The following UNC13C variants were observed in gnomAD, a reference collection of about 807,000 sequenced individuals.
UNC13C encodes the protein unc-13 homolog C.
In UNC13C, 174 loss-of-function variants were observed where a neutral mutation model predicts 245.4. The ratio of observed to expected loss-of-function variants is 0.71; its 90% confidence interval spans 0.63 to 0.80. The LOEUF (loss-of-function observed/expected upper bound fraction) is 0.80, where lower values mean the gene tolerates loss of function less well. Ranked by LOEUF, UNC13C falls within the 30% of genes least tolerant of loss-of-function variation. UNC13C has a pLI of 0.00. For missense variants in UNC13C, 2,829 were observed against 2,602.9 expected (o/e 1.09, Z -1.89); for synonymous variants, 992 against 895.1 (o/e 1.11, Z -1.93).
intron 4 of UNC13C, among the ~76,000 whole-genome samples, chr15:54,211,232 AGATACT>A (rs2034869278): frequency 6.6e-6 from 1 of 152,114 alleles, no homozygotes; most frequent in Non-Finnish European, 1.5e-5. Flanking sequence ...GTTCTAAGAA[AGATACT>A]GATTTTAAAG....
rs1031845084 is a variant in UNC13C at position 54,234,955 on chromosome 15, C to G, written c.3072-75C>G. 40 of 1,305,346 alleles carry G rather than the reference C, an allele frequency of 3.1e-5. No homozygotes were observed. In the East Asian group the frequency reaches 9.3e-4, roughly 30 times the overall value. 80.9% of individuals were successfully genotyped at this position (1,305,346 alleles called of 1,614,324 possible). A position where few individuals can be genotyped will look rare whatever the true frequency, so the allele number is the denominator to read the frequency against. On this transcript the variant is annotated intron_variant, in intron 4 of 32. Transcript: ENST00000260323. ...GGTCATCTTTTTCACAGACTTTATA[C>G]CATGAACAGTGGATGTTTTTCTTAC...
chr15:54,278,771 G>C (rs1453010224), intron 10 of UNC13C, among the ~76,000 whole-genome samples: 1 of 152,000 alleles, frequency 6.6e-6, no homozygotes, highest in Non-Finnish European at 1.5e-5. Flanking sequence ...TGAAATTCTT[G>C]ACATTTGACC....
At chr15:54,467,324 C>A (rs4774693) in intron 19 of UNC13C, among the ~76,000 whole-genome samples, 47,785 of 151,470 alleles carry the variant, frequency 0.32, 8,359 homozygotes, top group Middle Eastern at 0.4. Flanking sequence ...TATTTGCCAA[C>A]AATTTCTAAA....
chr15:54,397,444 T>C (rs1237831401), intron 18 of UNC13C, among the ~76,000 whole-genome samples: 1 of 151,510 alleles, frequency 6.6e-6, no homozygotes. Context: ...CTAACATATT[T>C]TGAAATATTA....
At position 54,312,585 on chromosome 15, in the gene UNC13C, A is replaced by G. The variant is rs141277325; in HGVS notation, c.4269-9354A>G. Among the ~76,000 whole-genome samples the G allele has an allele frequency of 6.0e-3, 914 of 151,926 alleles. 10 individuals carry two copies. Among genetic ancestry groups the G allele is most frequent in the African/African-American group, 0.021 (859 of 41,520 alleles). On this transcript the variant is annotated intron_variant, in intron 13 of 32. Coordinates refer to ENST00000260323, the MANE Select transcript of UNC13C (RefSeq NM_001080534.3). ...AGGGTTCTTCCAGCCCTTTCTTCTA[A>G]GTAGCTTCACATCCCATTGCTCATT...
intron 29 of UNC13C, among the ~76,000 whole-genome samples, chr15:54,567,088 T>C (rs895956427): frequency 2.0e-5 from 3 of 152,128 alleles, no homozygotes; most frequent in East Asian, 3.9e-4. Flanking sequence ...TGTCTGTGCA[T>C]AACACTTGTA....
At chr15:54,223,827 T>C (rs964604262) in intron 4 of UNC13C, among the ~76,000 whole-genome samples, 11 of 152,060 alleles carry the variant, frequency 7.2e-5, no homozygotes, top group African/African-American at 2.7e-4. Context: ...CAATGTTTTG[T>C]AGTTTTCATT....
chr15:54,296,381 T>A (rs1368682506), intron 11 of UNC13C, among the ~76,000 whole-genome samples: 4 of 82,008 alleles, frequency 4.9e-5, no homozygotes, highest in South Asian at 3.7e-4. Flanking sequence ...TTTTTTTTTT[T>A]TATTTTTTTT....
chr15:54,026,250 G>T (rs1896104067), intron 2 of UNC13C, among the ~76,000 whole-genome samples: 4 of 152,242 alleles, frequency 2.6e-5, no homozygotes, highest in African/African-American at 9.6e-5. Flanking sequence ...GTAGACTATG[G>T]CTGAAGTCCT....
chr15:53,918,248 G>C, the UNC13C span, among the ~76,000 whole-genome samples: 4 of 151,992 alleles, frequency 2.6e-5, no homozygotes, highest in African/African-American at 9.7e-5. Flanking sequence ...CAGCCCCTGA[G>C]TGTGCTGCTC....
intron 17 of UNC13C, among the ~76,000 whole-genome samples, chr15:54,350,815 T>C (rs2038965674): frequency 6.6e-6 from 1 of 152,230 alleles, no homozygotes; most frequent in East Asian, 1.9e-4. Flanking sequence ...TTTTAATGTG[T>C]TCCTTCTTCA....
intron 17 of UNC13C, among the ~76,000 whole-genome samples, chr15:54,370,191 C>T (rs1183657298): frequency 6.6e-6 from 1 of 152,082 alleles, no homozygotes; most frequent in Non-Finnish European, 1.5e-5. Flanking sequence ...TGGTGGCTTG[C>T]TACATCTTTT....
intron 4 of UNC13C, among the ~76,000 whole-genome samples, chr15:54,187,541 C>G (rs1216471656): frequency 6.6e-6 from 1 of 152,144 alleles, no homozygotes; most frequent in Non-Finnish European, 1.5e-5. Flanking sequence ...CCCATTGTCT[C>G]TGATACCCCT....
At chr15:54,485,026 T>C (rs1438265841) in intron 19 of UNC13C, among the ~76,000 whole-genome samples, 1 of 152,114 alleles carries the variant, frequency 6.6e-6, no homozygotes, top group Non-Finnish European at 1.5e-5. Context: ...TTATCAACAA[T>C]TCTTAGCAAA....
chr15:54,350,794 T>C (rs891909078), intron 17 of UNC13C, among the ~76,000 whole-genome samples: 4 of 152,210 alleles, frequency 2.6e-5, no homozygotes, highest in Admixed American at 6.5e-5. Flanking sequence ...TATTGTGTCA[T>C]GTGATTTTTA....
rs755789523 is a variant in UNC13C at position 54,504,607 on chromosome 15, G to A, written c.5302-2510G>A. ...AAGGTCAAACCTAGGCATTTATGGT[G>A]ACAGAAATGGGAGACCCTATCTTAT... On this transcript the variant is annotated intron_variant, in intron 22 of 32. Coordinates refer to ENST00000260323, the MANE Select transcript of UNC13C (RefSeq NM_001080534.3). Among the ~76,000 whole-genome samples the A allele has an allele frequency of 2.7e-4, 41 of 152,154 alleles. 1 individual carries two copies. Among genetic ancestry groups the A allele is most frequent in the Middle Eastern group, 3.2e-3 (1 of 316 alleles).
At chr15:54,043,849 C>G (rs989246182) in intron 2 of UNC13C, among the ~76,000 whole-genome samples, 1 of 152,142 alleles carries the variant, frequency 6.6e-6, no homozygotes, top group Non-Finnish European at 1.5e-5. Context: ...AAGACCATTT[C>G]CCTTTGGGCC....
chr15:53,857,930 C>T, the UNC13C span, among the ~76,000 whole-genome samples: 1 of 152,120 alleles, frequency 6.6e-6, no homozygotes, highest in African/African-American at 2.4e-5. Context: ...TTTAAAACAA[C>T]TTAGTCACCC....
intron 30 of UNC13C, among the ~76,000 whole-genome samples, chr15:54,616,386 CCA>C (rs1043995844): frequency 1.1e-4 from 16 of 147,850 alleles, no homozygotes; most frequent in South Asian, 4.2e-4. Context: ...TAACATAACA[CCA>C]CACATGTTTG....
Sources: allele counts gnomAD v4.1 joint callset (sites outside exome capture counted in the v4.1 genomes callset), GRCh38; gene constraint gnomAD v4.1.1; transcripts MANE v1.5; gene names NCBI Gene and HGNC (gene_info 2026-07-23, HGNC 2026-07-21).